Variants in PLCB4 observed in about 807,000 individuals in gnomAD.
The protein encoded by PLCB4 is 1-phosphatidylinositol 4,5-bisphosphate phosphodiesterase beta-4.
PLCB4 carries 77 observed loss-of-function variants against 178.8 expected under a neutral mutation model. The observed-to-expected ratio is 0.43, with a 90% CI of 0.36 to 0.52. The LOEUF (loss-of-function observed/expected upper bound fraction) is 0.52, where lower values mean the gene tolerates loss of function less well. PLCB4 is among the 20% of genes least tolerant of loss of function. The pLI, the probability that PLCB4 is intolerant of heterozygous loss-of-function variation, is 0.00. For missense variants in PLCB4, 1,024 were observed against 1,453.4 expected (o/e 0.70, Z 4.80); for synonymous variants, 496 against 490.8 (o/e 1.01, Z -0.14).
chr20:9,470,680 T>C (rs2276484), intron 36 of PLCB4, among the ~76,000 whole-genome samples: 14,026 of 152,246 alleles, frequency 0.092, 800 homozygotes, highest in East Asian at 0.3. Context: ...ACTGTACTTA[T>C]TTGTTGTAAC....
intron 2 of PLCB4, among the ~76,000 whole-genome samples, chr20:9,121,686 A>G (rs533546957): frequency 1.3e-5 from 2 of 152,324 alleles, no homozygotes; most frequent in African/African-American, 4.8e-5. Flanking sequence ...GCACTTTAAT[A>G]TCAAGTTTTG....
intron 4 of PLCB4, among the ~76,000 whole-genome samples, chr20:9,310,553 A>G: frequency 6.7e-6 from 1 of 148,828 alleles, no homozygotes; most frequent in African/African-American, 2.5e-5. Flanking sequence ...TACTAAAAAT[A>G]TAAAAAAAAA....
chr20:9,117,054 C>T (rs2091804807), intron 2 of PLCB4, among the ~76,000 whole-genome samples: 1 of 152,140 alleles, frequency 6.6e-6, no homozygotes, highest in Non-Finnish European at 1.5e-5. Context: ...TTGCTTAACA[C>T]TCCAATTTGT....
At chr20:9,373,155 C>A in intron 12 of PLCB4, 51 bp downstream of exon 12, 1 of 878,910 alleles carries the variant, frequency 1.1e-6, no homozygotes, top group Non-Finnish European at 1.9e-6. Context: ...AGTGGCTTGC[C>A]TTCTCTGGTG....
intron 2 of PLCB4, among the ~76,000 whole-genome samples, chr20:9,100,555 C>T (rs552422980): frequency 1.5e-4 from 23 of 152,108 alleles, no homozygotes; most frequent in Non-Finnish European, 2.9e-4. Flanking sequence ...AAGGAATATA[C>T]TTTAATGGAA....
chr20:9,271,556 ATACATG>A (rs2094402327), intron 3 of PLCB4, among the ~76,000 whole-genome samples: 2 of 152,136 alleles, frequency 1.3e-5, no homozygotes, highest in Non-Finnish European at 2.9e-5. Context: ...ACTATTTTTT[ATACATG>A]AATTATGTGC....
intron 2 of PLCB4, among the ~76,000 whole-genome samples, chr20:9,169,554 G>A (rs1600861803): frequency 6.6e-6 from 1 of 151,568 alleles, no homozygotes; most frequent in South Asian, 2.1e-4. Flanking sequence ...GTGCCACTGC[G>A]CTCCAGCCTG....
At chr20:9,092,056 A>T (rs2090708226) in intron 1 of PLCB4, among the ~76,000 whole-genome samples, 2 of 152,122 alleles carry the variant, frequency 1.3e-5, no homozygotes. Context: ...GCAGCATTTG[A>T]ATCAGGTCAG....
chr20:9,309,898 T>G (rs749091550), intron 4 of PLCB4, among the ~76,000 whole-genome samples: 1 of 152,222 alleles, frequency 6.6e-6, no homozygotes, highest in Non-Finnish European at 1.5e-5. Context: ...TCCTCTGGAT[T>G]CCTCTACAAA....
intron 2 of PLCB4, among the ~76,000 whole-genome samples, chr20:9,179,364 T>C: frequency 1.4e-5 from 2 of 145,870 alleles, no homozygotes. Flanking sequence ...GGCCATGAGA[T>C]TCCTTGGCTC....
rs2040808672 is a variant in PLCB4 at position 9,423,731 on chromosome 20, TC to T, written c.2320-15del. On this transcript the variant is annotated splice_polypyrimidine_tract_variant and intron_variant, in intron 27 of 39. Coordinates refer to ENST00000378473, the MANE Select transcript of PLCB4 (RefSeq NM_001377142.1). ...GCTGCATTGGAAAAATCAGTGAAAG[TC>T]CTGTTCTGTTTGCAGGTGATCCTGC... 1.2e-6 allele frequency: 2 copies of T among 1,606,292 alleles called. No homozygotes were observed. Among genetic ancestry groups the T allele is most frequent in the South Asian group, 2.2e-5 (2 of 90,518 alleles).
intron 2 of PLCB4, among the ~76,000 whole-genome samples, chr20:9,112,216 T>C (rs2091604251): frequency 6.6e-6 from 1 of 152,076 alleles, no homozygotes; most frequent in Non-Finnish European, 1.5e-5. Context: ...GAACAGTGTT[T>C]AGATACGTTT....
At chr20:9,329,090 T>G (rs1046167285) in intron 4 of PLCB4, among the ~76,000 whole-genome samples, 2 of 152,232 alleles carry the variant, frequency 1.3e-5, no homozygotes, top group Non-Finnish European at 2.9e-5. Flanking sequence ...TGGTGCCATG[T>G]TGCCTCGTCC....
Position 9,419,879 on chromosome 20 carries a change from T to C in PLCB4, c.2124T>C (p.Asp708=). The change falls in exon 26 of 40, where the codon GAT becomes GAC. Residue 708 remains aspartate, a synonymous_variant. Coordinates refer to ENST00000378473, the MANE Select transcript of PLCB4 (RefSeq NM_001377142.1). ...ACCCCTTCTCTGAAACTCCTGTTGATGGTGTTATTGCAGCCACTTGCTCAG... is the reference window on the plus strand; with the variant it reads ...ACCCCTTCTCTGAAACTCCTGTTGACGGTGTTATTGCAGCCACTTGCTCAG... ...TFDPFSETPV[D]GVIAATCSVQ... is the part of the protein sequence containing the mutation. 1 of 1,613,756 alleles carries C rather than the reference T, an allele frequency of 6.2e-7. No individual in the cohort carries two copies. Among genetic ancestry groups the C allele is most frequent in the South Asian group, 1.1e-5 (1 of 91,076 alleles).
intron 2 of PLCB4, among the ~76,000 whole-genome samples, chr20:9,117,959 T>C (rs1336131147): frequency 6.6e-6 from 1 of 152,196 alleles, no homozygotes; most frequent in Non-Finnish European, 1.5e-5. Flanking sequence ...TTATATAAGC[T>C]TGCTTATTAT....
intron 3 of PLCB4, among the ~76,000 whole-genome samples, chr20:9,253,221 C>G (rs992191596): frequency 1.3e-5 from 2 of 152,156 alleles, no homozygotes; most frequent in Admixed American, 1.3e-4. Context: ...GGTTTTGCTT[C>G]CCTCTGGCCT....
chr20:9,222,075 T>TGAC, intron 3 of PLCB4, among the ~76,000 whole-genome samples: 1 of 142,648 alleles, frequency 7.0e-6, no homozygotes, highest in African/African-American at 2.7e-5. Context: ...TATTTTATTT[T>TGAC]ATTTTATTTT....
At chr20:9,097,247 T>TA (rs879766682) in intron 2 of PLCB4, among the ~76,000 whole-genome samples, 2,975 of 149,986 alleles carry the variant, frequency 0.02, 99 homozygotes, top group African/African-American at 0.068. Flanking sequence ...TTTTTTTTTT[T>TA]TTTTTTGGTT....
intron 2 of PLCB4, among the ~76,000 whole-genome samples, chr20:9,132,284 T>TTGTGTGTG (rs34334709): frequency 1.2e-4 from 18 of 149,282 alleles, no homozygotes; most frequent in African/African-American, 4.4e-4. Flanking sequence ...GGCATAATGT[T>TTGTGTGTG]TGTGTGTGTG....
Sources: gnomAD v4.1 joint callset for allele counts (sites outside exome capture counted in the v4.1 genomes callset) on GRCh38, gnomAD v4.1.1 for gene constraint, MANE v1.5 for transcripts, NCBI Gene and HGNC (gene_info 2026-07-23, HGNC 2026-07-21) for gene names.